MRPL58: variants seen among roughly 807,000 people sequenced by gnomAD.
The protein encoded by MRPL58 is mitochondrial ribosomal protein L58.
Under a neutral mutation model 26.0 loss-of-function variants are expected in MRPL58, and 17 were observed. That is an observed-to-expected ratio of 0.65 (90% CI 0.45 to 0.98). The LOEUF is 0.98. MRPL58 is among the 50% of genes least tolerant of loss of function. MRPL58 has a pLI of 0.00. For missense variants in MRPL58, 250 were observed against 269.0 expected (o/e 0.93, Z 0.49); for synonymous variants, 100 against 99.7 (o/e 1.00, Z -0.02).
At chr17:75,015,263 C>T (rs929818951) in intron 1 of MRPL58, among the ~76,000 whole-genome samples, 1 of 152,192 alleles carries the variant, frequency 6.6e-6, no homozygotes, top group Non-Finnish European at 1.5e-5. Flanking sequence ...AAGGGTAGAT[C>T]ACTTGAGGTC....
At position 75,021,170 on chromosome 17, in the gene MRPL58, C is replaced by A; in HGVS notation, c.*165C>A. ...GTTCATTTGGAATGAAGGCTGCAGG[C>A]ACTGGTTGCAGACGTCTTTATAGGC... On this transcript the variant is annotated 3_prime_UTR_variant, in exon 6 of 6. Coordinates refer to ENST00000301585, the MANE Select transcript of MRPL58 (RefSeq NM_001545.3). The A allele has an allele frequency of 1.6e-6, 1 of 609,374 alleles. No individual in the cohort carries two copies. The highest frequency in any genetic ancestry group is 3.0e-6 in the Non-Finnish European group (1 of 335,154). The allele number at this position is 609,374 out of a possible 1,614,324, so 37.7% of individuals were successfully genotyped here.
At chr17:75,021,260 C>CAT in exon 6 of MRPL58, 1 of 474,590 alleles carries the variant, frequency 2.1e-6, no homozygotes, top group African/African-American at 1.9e-5. Context: ...AATCAGAACT[C>CAT]ATTAGGCTTC....
chr17:75,019,738 G>T lies in MRPL58; in HGVS notation c.262G>T (p.Gly88Trp), dbSNP rs778120165. Reference sequence around the variant, plus strand: ...ATCTTATTGTCGGAGTAGTGGTCCTGGGGGGCAGAATGTGAACAAAGGTAC... The same window carrying T: ...ATCTTATTGTCGGAGTAGTGGTCCTTGGGGGCAGAATGTGAACAAAGGTAC... ...TISYCRSSGP[G>W]GQNVNKVNSK... The change falls in exon 3 of 6, where the codon GGG (glycine) becomes TGG (tryptophan). Residue 88 changes from glycine (G) to tryptophan (W), a missense_variant. Physicochemically the swap from Gly to Trp is radical, Grantham distance 184. Coordinates refer to ENST00000301585, the MANE Select transcript of MRPL58 (RefSeq NM_001545.3). The T allele has an allele frequency of 3.7e-6, 6 of 1,608,094 alleles. No homozygotes were observed. Among genetic ancestry groups the T allele is most frequent in the Non-Finnish European group, 5.1e-6 (6 of 1,175,632 alleles).
chr17:75,020,820 G>T, intron 5 of MRPL58, 101 bp from the exon 6 acceptor site: 3 of 1,193,970 alleles, frequency 2.5e-6, no homozygotes, highest in Non-Finnish European at 3.7e-6. Flanking sequence ...AGTGCCTGCT[G>T]GTGTAACTGC....
chr17:75,015,037 C>G, intron 1 of MRPL58, among the ~76,000 whole-genome samples: 1 of 152,148 alleles, frequency 6.6e-6, no homozygotes, highest in East Asian at 1.9e-4. Context: ...AGTGCTGAGG[C>G]TACCTCAGAT....
chr17:75,018,422 C>T (rs562118702), intron 2 of MRPL58, among the ~76,000 whole-genome samples: 54 of 151,910 alleles, frequency 3.6e-4, no homozygotes, highest in African/African-American at 5.1e-4. Flanking sequence ...TTAGTAGAGA[C>T]GGGGTTTCAC....
Position 75,020,945 on chromosome 17 carries a change from G to T in MRPL58, c.561G>T (p.Arg187Ser). ...GGATAGAAAACATGAATCGGGAAAG[G>T]CTGAGACAAAAGAGAATTCATTCTG... ...RIRIENMNRE[R>S]LRQKRIHSAV... Residue 187 changes from arginine to serine, a missense_variant, in exon 6 of 6, where the codon AGG becomes AGT. Coordinates refer to ENST00000301585, the MANE Select transcript of MRPL58 (RefSeq NM_001545.3). 1 of 1,613,932 alleles carries T rather than the reference G, an allele frequency of 6.2e-7. No homozygotes were observed.
chr17:75,012,931 G>T, intron 1 of MRPL58, 59 bp downstream of exon 1: 4 of 1,483,454 alleles, frequency 2.7e-6, no homozygotes, highest in Non-Finnish European at 3.7e-6. Context: ...GTGACGTTAG[G>T]AACCCCAGGC....
chr17:75,020,911 T>C lies in MRPL58; in HGVS notation c.537-10T>C. The C allele has an allele frequency of 6.2e-7, 1 of 1,608,740 alleles. No homozygotes were observed. The highest frequency in any genetic ancestry group is 8.5e-7 in the Non-Finnish European group (1 of 1,175,102). Reference sequence around the variant, plus strand: ...GCATCTGGGGCTAATTGCAGTCTTTTTGTTTTCAGGATAGAAAACATGAAT... The same window carrying C: ...GCATCTGGGGCTAATTGCAGTCTTTCTGTTTTCAGGATAGAAAACATGAAT... On this transcript the variant is annotated splice_polypyrimidine_tract_variant and intron_variant, in intron 5 of 5. Transcript: ENST00000301585.
chr17:75,013,019 C>T, intron 1 of MRPL58, 147 bp downstream of exon 1: 1 of 726,476 alleles, frequency 1.4e-6, no homozygotes, highest in Non-Finnish European at 2.2e-6. Flanking sequence ...CTGCGCTAAC[C>T]TGGCCGGGAG....
At chr17:75,018,233 C>CTTTTTTTT (rs11381155) in intron 2 of MRPL58, among the ~76,000 whole-genome samples, 1 of 146,862 alleles carries the variant, frequency 6.8e-6, no homozygotes, top group African/African-American at 2.5e-5. Context: ...TCTGAAATAT[C>CTTTTTTTT]TTTTTTTTTT....
At chr17:75,015,236 C>A (rs576585725) in intron 1 of MRPL58, among the ~76,000 whole-genome samples, 2 of 152,198 alleles carry the variant, frequency 1.3e-5, no homozygotes, top group Non-Finnish European at 1.5e-5. Flanking sequence ...CCTATAATCC[C>A]AGCACTTTGA....
At chr17:75,014,298 G>A (rs1327374632) in intron 1 of MRPL58, among the ~76,000 whole-genome samples, 6 of 143,638 alleles carry the variant, frequency 4.2e-5, no homozygotes, top group African/African-American at 1.3e-4. Context: ...CCATTCTCCT[G>A]CCTCAGTCTC....
At chr17:75,018,198 C>G (rs2039987675) in intron 2 of MRPL58, among the ~76,000 whole-genome samples, 1 of 151,884 alleles carries the variant, frequency 6.6e-6, no homozygotes, top group African/African-American at 2.4e-5. Flanking sequence ...TATAAGCTAC[C>G]ATTTGTTTTT....
chr17:75,015,844 G>C (rs919987924), intron 1 of MRPL58, among the ~76,000 whole-genome samples: 4 of 151,930 alleles, frequency 2.6e-5, no homozygotes, highest in African/African-American at 9.7e-5. Context: ...CAGGAGTGCA[G>C]TGTCCTGATC....
In MRPL58 at chr17:75,020,993, C is replaced by G. The variant is rs764664231; in HGVS notation, c.609C>G (p.Val203=). 311 of 1,612,552 alleles carry G rather than the reference C, an allele frequency of 1.9e-4. No homozygotes were observed. Among genetic ancestry groups the G allele is most frequent in the Non-Finnish European group, 2.5e-4 (290 of 1,178,684 alleles). ...CTGCTGTAAAGACAAGCAGGAGGGT[C>G]GACATGGACTGAAATCACCCTCTGC... ...IHSAVKTSRR[V]DMD Residue 203 remains valine, a synonymous_variant, in exon 6 of 6, where the codon GTC becomes GTG. Transcript: ENST00000301585.
At chr17:75,016,127 G>A (rs956718390) in intron 1 of MRPL58, among the ~76,000 whole-genome samples, 6 of 151,756 alleles carry the variant, frequency 4.0e-5, no homozygotes, top group African/African-American at 1.5e-4. Context: ...AGACAGGCTG[G>A]GCGTGGTGGC....
chr17:75,012,683 G>A lies in MRPL58; in HGVS notation c.-4G>A. 9 of 1,544,896 alleles carry A rather than the reference G, an allele frequency of 5.8e-6. No individual in the cohort carries two copies. Among genetic ancestry groups the A allele is most frequent in the Middle Eastern group, 2.1e-4 (1 of 4,746 alleles). ...CCCGCCGGAAGCAGTCGCAAGACCT[G>A]AGCATGGCGGCCACCAGGTGCCTGC... On this transcript the variant is annotated 5_prime_UTR_variant, in exon 1 of 6. Transcript: ENST00000301585.
rs2039942625 is a variant in MRPL58 at position 75,012,858 on chromosome 17, G to T, written c.172G>T (p.Ala58Ser). ...LYPESQGSDT[A>S]WRVPNGAKQA... ...CCCCGAATCTCAGGGCTCGGACACCGCCTGGAGGGTCCCGGTGAGCCGGGA... is the reference window on the plus strand; with the variant it reads ...CCCCGAATCTCAGGGCTCGGACACCTCCTGGAGGGTCCCGGTGAGCCGGGA... Residue 58 changes from alanine (A) to serine (S), a missense_variant, in exon 1 of 6, where the codon GCC (alanine) becomes TCC (serine). Transcript: ENST00000301585. 2 of 1,609,018 alleles carry T rather than the reference G, an allele frequency of 1.2e-6. No homozygotes were observed. The highest frequency in any genetic ancestry group is 1.7e-6 in the Non-Finnish European group (2 of 1,178,392).
Sources: gnomAD v4.1 joint callset for allele counts (sites outside exome capture counted in the v4.1 genomes callset) on GRCh38, gnomAD v4.1.1 for gene constraint, MANE v1.5 for transcripts, NCBI Gene and HGNC (gene_info 2026-07-23, HGNC 2026-07-21) for gene names.